The following ZBTB10 variants were observed in gnomAD, a reference collection of about 807,000 sequenced individuals.
The protein encoded by ZBTB10 is zinc finger and BTB domain-containing protein 10.
ZBTB10 carries 32 observed loss-of-function variants against 76.4 expected under a neutral mutation model. The observed-to-expected ratio is 0.42, with a 90% CI of 0.32 to 0.56. The LOEUF is 0.56. Ranked by LOEUF, ZBTB10 falls within the 20% of genes least tolerant of loss-of-function variation. The probability of loss-of-function intolerance (pLI) is 0.14; values close to 1 mark genes in which losing one functional copy is unlikely to be tolerated. For synonymous variants in ZBTB10, 523 were observed against 432.9 expected (o/e 1.21, Z -2.58); for missense variants, 1,057 against 1,098.5 (o/e 0.96, Z 0.53).
At chr8:80,491,255 A>G (rs983300440) in intron 1 of ZBTB10, among the ~76,000 whole-genome samples, 2 of 152,218 alleles carry the variant, frequency 1.3e-5, no homozygotes, top group Admixed American at 1.3e-4. Flanking sequence ...ATTGTGTTAC[A>G]GTTGCCTAAA....
In ZBTB10 at chr8:80,522,730, T is replaced by C. The variant is rs968696342; in HGVS notation, c.*3202T>C. 6.6e-6 allele frequency: 1 copy of C among 151,632 alleles called. No individual in the cohort carries two copies. The highest frequency in any genetic ancestry group is 1.5e-5 in the Non-Finnish European group (1 of 67,812). The allele number at this position is 151,632 out of a possible 1,614,324, so 9.4% of individuals were successfully genotyped here. ...GTACATAATAGGTGCATAACACATC[T>C]TAAAGTTGTTTAATAATAGATAAGA... On this transcript the variant is annotated 3_prime_UTR_variant, in exon 6 of 6. Transcript: ENST00000455036.
rs201412661 is a variant in ZBTB10 at position 80,487,663 on chromosome 8, G to T, written c.853G>T (p.Val285Leu). The T allele has an allele frequency of 6.2e-7, 1 of 1,613,948 alleles. No homozygotes were observed. Among genetic ancestry groups the T allele is most frequent in the East Asian group, 2.2e-5 (1 of 44,886 alleles). ...CQKTPADGGS[V>L]DLPPVGHDEL... The stretch of plus-strand genomic sequence containing the variant: ...AAAGACCCCTGCAGATGGGGGAAGC[G>T]TGGACCTTCCCCCAGTGGGGCATGA... Residue 285 changes from valine (V) to leucine (L), a missense_variant, in exon 1 of 6, where the codon GTG becomes TTG. Around this residue, in one of 5 missense-constraint regions of ZBTB10, gnomAD observed 556 missense variants for 451.7 expected, o/e 1.23. Coordinates refer to ENST00000455036, the MANE Select transcript of ZBTB10 (RefSeq NM_001105539.3).
chr8:80,503,062 C>T (rs1231668274), intron 2 of ZBTB10, among the ~76,000 whole-genome samples: 1 of 152,038 alleles, frequency 6.6e-6, no homozygotes, highest in Non-Finnish European at 1.5e-5. Flanking sequence ...GCAAATATTA[C>T]TATATTGGAA....
chr8:80,512,634 C>T (rs1224907181), intron 2 of ZBTB10, among the ~76,000 whole-genome samples: 1 of 152,022 alleles, frequency 6.6e-6, no homozygotes, highest in Non-Finnish European at 1.5e-5. Context: ...ATCGGTTGAA[C>T]CTGGGAGGCA....
chr8:80,511,227 T>C (rs1312855504), intron 2 of ZBTB10, among the ~76,000 whole-genome samples: 1 of 152,264 alleles, frequency 6.6e-6, no homozygotes, highest in Non-Finnish European at 1.5e-5. Flanking sequence ...AGGAGGTCTA[T>C]ACTTGTTGTC....
chr8:80,519,399 T>C lies in ZBTB10; in HGVS notation c.2487T>C (p.Pro829=). 6.3e-7 allele frequency: 1 copy of C among 1,574,838 alleles called. No homozygotes were observed. Among genetic ancestry groups the C allele is most frequent in the Non-Finnish European group, 8.6e-7 (1 of 1,161,032 alleles). ...ATCAGGGACAGGATACAGAATTCCC[T>C]CGGGATGAAGAATACGAGGAGAATG... is the stretch of plus-strand genomic sequence containing the variant. The part of the protein sequence containing the change: ...GVDQGQDTEF[P]RDEEYEENEV... Residue 829 remains proline, a synonymous_variant, in exon 6 of 6, where the codon CCT becomes CCC. Transcript: ENST00000455036.
chr8:80,506,383 T>C (rs975831330), intron 2 of ZBTB10, among the ~76,000 whole-genome samples: 1 of 152,094 alleles, frequency 6.6e-6, no homozygotes, highest in Non-Finnish European at 1.5e-5. Context: ...TGGCGTGATC[T>C]TGGCTCACTG....
intron 1 of ZBTB10, among the ~76,000 whole-genome samples, chr8:80,488,323 G>A (rs1010484039): frequency 6.6e-6 from 1 of 152,208 alleles, no homozygotes; most frequent in Non-Finnish European, 1.5e-5. Context: ...GTATGTAAAT[G>A]TAGAGAATGC....
At chr8:80,508,506 T>C (rs1267361926) in intron 2 of ZBTB10, among the ~76,000 whole-genome samples, 4 of 152,108 alleles carry the variant, frequency 2.6e-5, no homozygotes, top group Non-Finnish European at 5.9e-5. Context: ...TTATTCACAA[T>C]AGGGTGACTG....
chr8:80,491,695 G>A (rs1815635591), intron 1 of ZBTB10, among the ~76,000 whole-genome samples: 1 of 152,176 alleles, frequency 6.6e-6, no homozygotes, highest in African/African-American at 2.4e-5. Context: ...GTCAGAGTCA[G>A]GTTTAATGAT....
intron 1 of ZBTB10, among the ~76,000 whole-genome samples, chr8:80,492,668 G>A (rs943118398): frequency 3.3e-5 from 5 of 151,728 alleles, no homozygotes; most frequent in South Asian, 2.1e-4. Flanking sequence ...TAGTAGAGAC[G>A]GGGTTTCAGT....
chr8:80,485,949 C>G, upstream of ZBTB10: 2 of 1,470,382 alleles, frequency 1.4e-6, no homozygotes, highest in Non-Finnish European at 1.8e-6. Context: ...CTCCGCGTAG[C>G]CCGGCCCCGG....
At position 80,486,997 on chromosome 8, in the gene ZBTB10, G is replaced by A. The variant is rs1450529151; in HGVS notation, c.187G>A (p.Ala63Thr). Reference protein sequence around the residue: ...PALQPPNGRGADEEVELEGLE... With the variant: ...PALQPPNGRGTDEEVELEGLE... ...GCTTCAGCCGCCTAATGGGCGGGGGGCCGACGAGGAAGTGGAATTGGAGGG... is the reference window on the plus strand; with the variant it reads ...GCTTCAGCCGCCTAATGGGCGGGGGACCGACGAGGAAGTGGAATTGGAGGG... Residue 63 changes from alanine to threonine, a missense_variant, in exon 1 of 6, where the codon GCC (alanine) becomes ACC (threonine). Ala to Thr is a moderately conservative substitution (Grantham distance 58, BLOSUM62 0). Transcript: ENST00000455036. The A allele has an allele frequency of 2.6e-6, 4 of 1,513,858 alleles. No homozygotes were observed. The highest frequency in any genetic ancestry group is 3.5e-6 in the Non-Finnish European group (4 of 1,136,476). The allele number at this position is 1,513,858 out of a possible 1,614,324, so 93.8% of individuals were successfully genotyped here.
chr8:80,509,801 A>AG (rs1475501521), intron 2 of ZBTB10, among the ~76,000 whole-genome samples: 4 of 151,550 alleles, frequency 2.6e-5, no homozygotes, highest in African/African-American at 7.3e-5. Flanking sequence ...TTTTTTTAGG[A>AG]GATAGGGTCT....
intron 1 of ZBTB10, among the ~76,000 whole-genome samples, chr8:80,493,241 A>T: frequency 6.6e-6 from 1 of 150,414 alleles, no homozygotes; most frequent in Non-Finnish European, 1.5e-5. Flanking sequence ...ACACACACAC[A>T]CACAGCCTGA....
intron 2 of ZBTB10, among the ~76,000 whole-genome samples, chr8:80,502,424 C>T (rs1563461308): frequency 6.6e-6 from 1 of 152,048 alleles, no homozygotes. Context: ...TTACTAGAGA[C>T]GGGGGTCTCA....
At chr8:80,514,758 CTAAG>C (rs757497772) in intron 3 of ZBTB10, among the ~76,000 whole-genome samples, 8 of 151,182 alleles carry the variant, frequency 5.3e-5, no homozygotes, top group Non-Finnish European at 1.5e-5. Flanking sequence ...ATTGTCATAA[CTAAG>C]TGATTAAACT....
chr8:80,488,529 G>A (rs528041817), intron 1 of ZBTB10, among the ~76,000 whole-genome samples: 29 of 152,278 alleles, frequency 1.9e-4, no homozygotes, highest in African/African-American at 6.7e-4. Flanking sequence ...AGTACTTTAA[G>A]CTTAGCATTA....
chr8:80,488,886 G>T (rs1166732529), intron 1 of ZBTB10, among the ~76,000 whole-genome samples: 1 of 152,186 alleles, frequency 6.6e-6, no homozygotes, highest in Non-Finnish European at 1.5e-5. Context: ...TTACCCTGGG[G>T]TTAATTAGGC....
Sources: gnomAD v4.1 joint callset for allele counts (sites outside exome capture counted in the v4.1 genomes callset) on GRCh38, gnomAD v4.1.1 for gene constraint, gnomAD v4.1.1 regional missense constraint, MANE v1.5 for transcripts, NCBI Gene and HGNC (gene_info 2026-07-23, HGNC 2026-07-21) for gene names.